TMEM117: variants seen among roughly 807,000 people sequenced by gnomAD.
The protein encoded by TMEM117 is transmembrane protein 117.
A neutral mutation model predicts 52.4 loss-of-function variants in TMEM117; 27 were observed. That is an observed-to-expected ratio of 0.51 (90% CI 0.38 to 0.71). TMEM117 has a LOEUF of 0.71. Among genes scored for constraint, TMEM117 ranks in the 30% least tolerant of loss-of-function variants. TMEM117 has a pLI of 0.00. For missense variants in TMEM117, 556 were observed against 630.5 expected, an observed-to-expected ratio of 0.88 and a Z score of 1.26; for synonymous variants, 215 against 206.3, an observed-to-expected ratio of 1.04 and a Z score of -0.36.
rs369311820 is a variant in TMEM117 at position 43,944,375 on chromosome 12, G to C, written c.410+33G>C. ...TTCTTTCCCCTTTCTACTGTGGTGAGTGTTATGTTTGAAACTTGTAAGAAT... is the reference window on the plus strand; with the variant it reads ...TTCTTTCCCCTTTCTACTGTGGTGACTGTTATGTTTGAAACTTGTAAGAAT... On this transcript the variant is annotated intron_variant, in intron 3 of 7. Transcript: ENST00000266534. 6.8e-5 allele frequency: 103 copies of C among 1,506,318 alleles called. No individual in the cohort carries two copies. In the African/African-American group the frequency reaches 1.6e-3, roughly 24 times the overall value. The allele number at this position is 1,506,318 out of a possible 1,614,324, so 93.3% of individuals were successfully genotyped here.
intron 3 of TMEM117, among the ~76,000 whole-genome samples, chr12:44,033,815 T>G (rs1422874234): frequency 6.6e-6 from 1 of 152,198 alleles, no homozygotes; most frequent in Non-Finnish European, 1.5e-5. Flanking sequence ...GTGCCTTGAT[T>G]GGAGATGGAT....
chr12:43,876,956 A>G (rs556953499), intron 2 of TMEM117, among the ~76,000 whole-genome samples: 1 of 152,318 alleles, frequency 6.6e-6, no homozygotes, highest in East Asian at 1.9e-4. Flanking sequence ...TACTGTGTCA[A>G]TAAGCATATA....
chr12:44,200,408 C>T (rs1949479290), intron 4 of TMEM117, among the ~76,000 whole-genome samples: 1 of 152,112 alleles, frequency 6.6e-6, no homozygotes, highest in South Asian at 2.1e-4. Flanking sequence ...TAATAGAAAA[C>T]ATTGTTAATT....
chr12:44,124,727 C>T (rs1011965606), intron 3 of TMEM117, among the ~76,000 whole-genome samples: 1 of 152,176 alleles, frequency 6.6e-6, no homozygotes. Context: ...ATATGTTGAA[C>T]CAGCCTTGCA....
intron 2 of TMEM117, among the ~76,000 whole-genome samples, chr12:43,933,816 C>T (rs942308430): frequency 2.8e-4 from 42 of 152,188 alleles, no homozygotes; most frequent in Non-Finnish European, 2.2e-4. Flanking sequence ...CGGCTTCAGC[C>T]TCACAAAGTG....
intron 3 of TMEM117, among the ~76,000 whole-genome samples, chr12:43,953,719 C>T (rs1214169496): frequency 6.6e-6 from 1 of 152,072 alleles, no homozygotes; most frequent in Non-Finnish European, 1.5e-5. Context: ...CTTTAATACC[C>T]CACTGTCAGT....
chr12:44,023,093 C>G (rs1946478937), intron 3 of TMEM117, among the ~76,000 whole-genome samples: 1 of 152,156 alleles, frequency 6.6e-6, no homozygotes, highest in Admixed American at 6.6e-5. Flanking sequence ...ACTTAGTTCC[C>G]TAAAATCCAG....
At chr12:44,251,376 CT>C (rs1038114811) in intron 5 of TMEM117, among the ~76,000 whole-genome samples, 1 of 152,186 alleles carries the variant, frequency 6.6e-6, no homozygotes, top group African/African-American at 2.4e-5. Flanking sequence ...TTCAAAGCCT[CT>C]TTCAGGACAC....
intron 3 of TMEM117, among the ~76,000 whole-genome samples, chr12:43,984,622 A>G (rs1323552990): frequency 2.0e-5 from 3 of 152,274 alleles, no homozygotes; most frequent in Middle Eastern, 3.4e-3. Flanking sequence ...TAGAACATCA[A>G]TTTCCCCTAT....
intron 2 of TMEM117, among the ~76,000 whole-genome samples, chr12:43,862,691 A>G (rs1943510664): frequency 6.6e-6 from 1 of 152,214 alleles, no homozygotes; most frequent in African/African-American, 2.4e-5. Context: ...TGCAGAGGAT[A>G]CTCTAACTAG....
intron 3 of TMEM117, among the ~76,000 whole-genome samples, chr12:43,973,405 T>C (rs538016213): frequency 3.9e-5 from 6 of 152,344 alleles, no homozygotes; most frequent in South Asian, 2.1e-4. Flanking sequence ...TATCCACTTT[T>C]AATTAAGCTG....
intron 2 of TMEM117, among the ~76,000 whole-genome samples, chr12:43,910,374 C>G (rs1479763799): frequency 8.3e-6 from 1 of 120,458 alleles, no homozygotes; most frequent in Non-Finnish European, 1.8e-5. Context: ...TATGACAAAC[C>G]CACAGCCAAT....
intron 5 of TMEM117, among the ~76,000 whole-genome samples, chr12:44,263,065 CACAG>C (rs1950338538): frequency 6.6e-6 from 1 of 152,134 alleles, no homozygotes; most frequent in South Asian, 2.1e-4. Context: ...TTTGCTATGT[CACAG>C]ACAGGCAATG....
chr12:43,805,763 T>G, the TMEM117 span: 1 of 1,340,404 alleles, frequency 7.5e-7, no homozygotes, highest in African/African-American at 1.5e-5. Flanking sequence ...AGAAAGATTC[T>G]GGCATGGTTC....
chr12:44,373,900 G>A (rs1428972916), intron 6 of TMEM117, among the ~76,000 whole-genome samples: 2 of 143,214 alleles, frequency 1.4e-5, no homozygotes, highest in Non-Finnish European at 3.0e-5. Flanking sequence ...TCCTGCCTCA[G>A]CCTCCAGAGT....
chr12:44,027,155 T>TTTTATTTTAGTTTAGTTTAG (rs1565797895), intron 3 of TMEM117, among the ~76,000 whole-genome samples: 1 of 126,900 alleles, frequency 7.9e-6, no homozygotes, highest in African/African-American at 3.5e-5. Flanking sequence ...TTTTATTTTA[T>TTTTATTTTAGTTTAGTTTAG]TTTATTTTAT....
intron 3 of TMEM117, among the ~76,000 whole-genome samples, chr12:44,047,162 CCTT>C (rs1357639256): frequency 2.0e-5 from 3 of 151,944 alleles, no homozygotes; most frequent in Non-Finnish European, 4.4e-5. Context: ...TTAGTTCTGT[CCTT>C]CTAGATTGCC....
At position 44,369,692 on chromosome 12, in the gene TMEM117, G is replaced by A. The variant is rs527788151; in HGVS notation, c.769-6903G>A. ...AGTTTTTAACAACATTTCAAATAAGGGTTTACAGTTTGACTTGGATCTGTT... is the reference window on the plus strand; with the variant it reads ...AGTTTTTAACAACATTTCAAATAAGAGTTTACAGTTTGACTTGGATCTGTT... On this transcript the variant is annotated intron_variant, in intron 6 of 7. Coordinates refer to ENST00000266534, the MANE Select transcript of TMEM117 (RefSeq NM_032256.3). Among the ~76,000 whole-genome samples, 7 of 152,148 alleles carry A rather than the reference G, an allele frequency of 4.6e-5. 1 individual carries two copies. The highest frequency in any genetic ancestry group is 1.9e-4 in the East Asian group (1 of 5,180).
At chr12:44,204,542 T>C (rs1949538878) in intron 4 of TMEM117, among the ~76,000 whole-genome samples, 1 of 152,084 alleles carries the variant, frequency 6.6e-6, no homozygotes, top group South Asian at 2.1e-4. Flanking sequence ...TTCACAGAAT[T>C]ACCCATAGTC....
Sources: gnomAD v4.1 joint callset for allele counts (sites outside exome capture counted in the v4.1 genomes callset) on GRCh38, gnomAD v4.1.1 for gene constraint, MANE v1.5 for transcripts, NCBI Gene and HGNC (gene_info 2026-07-23, HGNC 2026-07-21) for gene names.